SPSB1: variants seen among roughly 807,000 people sequenced by gnomAD.
SPSB1 encodes splA/ryanodine receptor domain and SOCS box containing 1.
SPSB1 carries 8 observed loss-of-function variants against 21.2 expected under a neutral mutation model. That is an observed-to-expected ratio of 0.38 (90% CI 0.22 to 0.68). SPSB1 has a LOEUF of 0.68. Ranked by LOEUF, SPSB1 falls within the 30% of genes least tolerant of loss-of-function variation. The probability of loss-of-function intolerance (pLI) is 0.53; values close to 1 mark genes in which losing one functional copy is unlikely to be tolerated. For synonymous variants in SPSB1, 169 were observed against 161.7 expected (o/e 1.05, Z -0.34); for missense variants, 242 against 377.8 (o/e 0.64, Z 2.98).
intron 1 of SPSB1, among the ~76,000 whole-genome samples, chr1:9,350,295 T>C (rs1289232487): frequency 1.3e-5 from 2 of 152,176 alleles, no homozygotes; most frequent in East Asian, 1.9e-4. Flanking sequence ...ACTGTCATTA[T>C]TTAGAGTGAG....
intron 1 of SPSB1, among the ~76,000 whole-genome samples, chr1:9,311,498 A>G (rs1639519309): frequency 6.6e-6 from 1 of 152,214 alleles, no homozygotes; most frequent in Non-Finnish European, 1.5e-5. Context: ...TTCACCATGC[A>G]TGGGACATCT....
intron 1 of SPSB1, among the ~76,000 whole-genome samples, chr1:9,335,915 C>T (rs564148547): frequency 2.6e-5 from 4 of 152,178 alleles, no homozygotes; most frequent in Non-Finnish European, 5.9e-5. Flanking sequence ...ACAGTAGTAA[C>T]GATAGCTACC....
In SPSB1 at chr1:9,330,647, CCCT is replaced by C. The variant is rs537942001; in HGVS notation, c.-149-25092_-149-25090del. On this transcript the variant is annotated intron_variant, in intron 1 of 2. Transcript: ENST00000328089. ...GTTTGCCTGTCCTCTTCCTTTCCTC[CCCT>C]CCTTTTTCTCTCCCTTCCCAAACTG... 3.6e-3 allele frequency among the ~76,000 whole-genome samples: 550 copies of C among 152,060 alleles called. 3 individuals carry two copies. The highest frequency in any genetic ancestry group is 0.013 in the African/African-American group (530 of 41,482).
rs149933700 is a variant in SPSB1 at position 9,356,012 on chromosome 1, C to T, written c.121C>T (p.Leu41=). Reference sequence around the variant, plus strand: ...CAAGCCCACCCGGCTGGATCTGCTACTGGACATGCCCCCTGTGTCCTATGA... The same window carrying T: ...CAAGCCCACCCGGCTGGATCTGCTATTGGACATGCCCCCTGTGTCCTATGA... The part of the protein sequence containing the change: ...YCKPTRLDLL[L]DMPPVSYDVQ... Residue 41 remains leucine (L), a synonymous_variant, in exon 2 of 3, where the codon CTG becomes TTG. Transcript: ENST00000328089. This position sits in a 1 kb window ranked among gnomAD's most constrained non-coding sequence, Gnocchi z 7.4. 1.1e-4 allele frequency: 174 copies of T among 1,614,060 alleles called. No individual in the cohort carries two copies. The highest frequency in any genetic ancestry group is 1.4e-4 in the Non-Finnish European group (167 of 1,180,032).
At chr1:9,301,550 C>T (rs972820226) in intron 1 of SPSB1, among the ~76,000 whole-genome samples, 2 of 150,710 alleles carry the variant, frequency 1.3e-5, no homozygotes, top group Non-Finnish European at 1.5e-5. Context: ...GACCTGAGTG[C>T]GCACAGGACA....
chr1:9,354,742 AGTGAGCC>A (rs2100514024), intron 1 of SPSB1, among the ~76,000 whole-genome samples: 1 of 152,126 alleles, frequency 6.6e-6, no homozygotes, highest in Admixed American at 6.5e-5. Context: ...TGGAGGTTGC[AGTGAGCC>A]GAGATCACGC....
rs914601573 is a variant in SPSB1, at chr1:9,367,351, T to A, written c.695-97T>A. 93 of 1,574,106 alleles carry A rather than the reference T, an allele frequency of 5.9e-5. No homozygotes were observed. The Admixed American group carries it at 1.6e-3, about 27-fold the overall frequency. Reference sequence around the variant, plus strand: ...TTCATTGTTTCTTTACTGATTTGAGTGAATACTAATCAGTGATAATATTGC... The same window carrying A: ...TTCATTGTTTCTTTACTGATTTGAGAGAATACTAATCAGTGATAATATTGC... On this transcript the variant is annotated intron_variant, in intron 2 of 2. Coordinates refer to ENST00000328089, the MANE Select transcript of SPSB1 (RefSeq NM_025106.4). This position sits in a 1 kb window ranked among gnomAD's most constrained non-coding sequence, Gnocchi z 5.9.
intron 2 of SPSB1, among the ~76,000 whole-genome samples, chr1:9,360,740 C>T (rs1426515213): frequency 1.3e-5 from 2 of 152,214 alleles, no homozygotes; most frequent in East Asian, 1.9e-4. Context: ...AGGGCCCACC[C>T]CAATCCACTA....
At chr1:9,325,323 T>C (rs931453203) in intron 1 of SPSB1, among the ~76,000 whole-genome samples, 8 of 150,826 alleles carry the variant, frequency 5.3e-5, no homozygotes, top group Non-Finnish European at 1.0e-4. Flanking sequence ...GTCTGGGCTG[T>C]GTGGGATTGA....
At chr1:9,314,068 TG>T (rs2100474084) in intron 1 of SPSB1, among the ~76,000 whole-genome samples, 1 of 150,944 alleles carries the variant, frequency 6.6e-6, no homozygotes, top group African/African-American at 2.4e-5. Context: ...CCCAGCTACC[TG>T]GGAGGCTGAG....
At chr1:9,365,973 A>G (rs575945538) in intron 2 of SPSB1, among the ~76,000 whole-genome samples, 1 of 152,232 alleles carries the variant, frequency 6.6e-6, no homozygotes, top group Non-Finnish European at 1.5e-5. Flanking sequence ...GCGGGCGAGC[A>G]GGGCCGCGCA....
intron 1 of SPSB1, among the ~76,000 whole-genome samples, chr1:9,340,096 G>A (rs504358): frequency 2.0e-5 from 3 of 151,990 alleles, no homozygotes; most frequent in African/African-American, 7.3e-5. Flanking sequence ...AAGCTCCTGG[G>A]TGATGGTCTG....
intron 1 of SPSB1, among the ~76,000 whole-genome samples, chr1:9,339,084 T>G (rs2100499462): frequency 6.6e-6 from 1 of 152,192 alleles, no homozygotes; most frequent in African/African-American, 2.4e-5. Context: ...TGGAGCTTGC[T>G]CCGGCCAGGG....
chr1:9,366,403 G>T (rs188912479), intron 2 of SPSB1, among the ~76,000 whole-genome samples: 6 of 152,328 alleles, frequency 3.9e-5, no homozygotes, highest in Middle Eastern at 3.4e-3. Context: ...CCTTCAGGCC[G>T]TGGGGCCAGC....
At chr1:9,343,362 G>GCA (rs1640119069) in intron 1 of SPSB1, among the ~76,000 whole-genome samples, 1 of 87,870 alleles carries the variant, frequency 1.1e-5, no homozygotes, top group Non-Finnish European at 2.7e-5. Context: ...TACAATGTGT[G>GCA]ACCTTTTATA....
At position 9,328,241 on chromosome 1, in the gene SPSB1, C is replaced by G. The variant is rs188399889; in HGVS notation, c.-149-27502C>G. On this transcript the variant is annotated intron_variant, in intron 1 of 2. Transcript: ENST00000328089. ...CTGGCCCATCAATGGAATCTTGAAA[C>G]AGCTGAGCCCAAAGACATTCGGAGG... 9.5e-4 allele frequency among the ~76,000 whole-genome samples: 145 copies of G among 152,310 alleles called. 1 individual carries two copies. The highest frequency in any genetic ancestry group is 3.4e-3 in the African/African-American group (140 of 41,554).
rs1475391309 is a variant in SPSB1 at position 9,293,153 on chromosome 1, G to A, written c.-150+82G>A. ...GAGGCGCGGGGGGCCGGGCGAGGGCGGACGCGGGGATCGCGCCGCTGGGGG... is the reference window on the plus strand; with the variant it reads ...GAGGCGCGGGGGGCCGGGCGAGGGCAGACGCGGGGATCGCGCCGCTGGGGG... On this transcript the variant is annotated intron_variant, in intron 1 of 2. Coordinates refer to ENST00000328089, the MANE Select transcript of SPSB1 (RefSeq NM_025106.4). This position sits in a 1 kb window ranked among gnomAD's most constrained non-coding sequence, Gnocchi z 5.1. The A allele has an allele frequency of 6.2e-6, 6 of 971,400 alleles. 1 individual carries two copies. The Admixed American group carries it at 1.9e-4, about 31-fold the overall frequency. The allele number at this position is 971,400 out of a possible 1,614,324, so 60.2% of individuals were successfully genotyped here. A position where few individuals can be genotyped will look rare whatever the true frequency, so the allele number is the denominator to read the frequency against.
In SPSB1 at chr1:9,293,677, G is replaced by T. The variant is rs888072365; in HGVS notation, c.-150+606G>T. Reference sequence around the variant, plus strand: ...CGGAGGGAGAGCCGGAGGGTTGTCAGGAAATCGATTAAATCAGAAAAACAA... The same window carrying T: ...CGGAGGGAGAGCCGGAGGGTTGTCATGAAATCGATTAAATCAGAAAAACAA... On this transcript the variant is annotated intron_variant, in intron 1 of 2. Transcript: ENST00000328089. The surrounding 1 kb of genome is among the most constrained non-coding windows in gnomAD (Gnocchi z 5.1). Among the ~76,000 whole-genome samples, 11 of 152,184 alleles carry T rather than the reference G, an allele frequency of 7.2e-5. No individual in the cohort carries two copies. Among genetic ancestry groups the T allele is most frequent in the African/African-American group, 2.4e-4 (10 of 41,456 alleles).
rs765431013 is a variant in SPSB1, at chr1:9,348,958, TGTG to T, written c.-149-6784_-149-6782del. 7.3e-5 allele frequency among the ~76,000 whole-genome samples: 11 copies of T among 150,714 alleles called. No individual in the cohort carries two copies. Among genetic ancestry groups the T allele is most frequent in the Admixed American group, 1.3e-4 (2 of 15,158 alleles). ...AAGAATGTGTGTGTGTGTGTGTGTG[TGTG>T]TGTATATGTGCGTGTGTGCACGTGC... On this transcript the variant is annotated intron_variant, in intron 1 of 2. Transcript: ENST00000328089. The surrounding 1 kb of genome is among the most constrained non-coding windows in gnomAD (Gnocchi z 4.8).
Sources: gnomAD v4.1 joint callset for allele counts (sites outside exome capture counted in the v4.1 genomes callset) on GRCh38, gnomAD v4.1.1 for gene constraint, Gnocchi (gnomAD v3.1) non-coding constraint, MANE v1.5 for transcripts, NCBI Gene and HGNC (gene_info 2026-07-23, HGNC 2026-07-21) for gene names.